IQSEC3: variants seen among roughly 807,000 people sequenced by gnomAD.
The protein encoded by IQSEC3 is IQ motif and SEC7 domain-containing protein 3.
IQSEC3 carries 50 observed loss-of-function variants against 105.4 expected under a neutral mutation model. That is an observed-to-expected ratio of 0.47 (90% CI 0.38 to 0.60). The LOEUF (loss-of-function observed/expected upper bound fraction) is 0.60. IQSEC3 is among the 20% of genes least tolerant of loss of function. IQSEC3 has a pLI of 0.00. For missense variants in IQSEC3, 1,415 were observed against 1,630.0 expected (o/e 0.87, Z 2.27); for synonymous variants, 708 against 746.0 (o/e 0.95, Z 0.83).
intron 2 of IQSEC3, among the ~76,000 whole-genome samples, chr12:122,568 A>G (rs1405119318): frequency 2.0e-5 from 3 of 152,232 alleles, no homozygotes; most frequent in Non-Finnish European, 4.4e-5. Flanking sequence ...GAGTAGGGAA[A>G]TGAAACACAG....
intron 5 of IQSEC3, among the ~76,000 whole-genome samples, chr12:146,094 G>C (rs1866255853): frequency 6.6e-6 from 1 of 152,218 alleles, no homozygotes; most frequent in Non-Finnish European, 1.5e-5. Context: ...GTTGGCCAGA[G>C]TATAACAGAT....
rs560623976 is a variant in IQSEC3 at position 126,011 on chromosome 12, C to T, written c.903+99C>T. The T allele has an allele frequency of 1.6e-3, 1,974 of 1,210,298 alleles. 1 individual carries two copies. The highest frequency in any genetic ancestry group is 2.0e-3 in the Non-Finnish European group (1,788 of 886,208). 75.0% of individuals were successfully genotyped at this position (1,210,298 alleles called of 1,614,324 possible). A position where few individuals can be genotyped will look rare whatever the true frequency, so the allele number is the denominator to read the frequency against. On this transcript the variant is annotated intron_variant, in intron 3 of 13. Coordinates refer to ENST00000538872, the MANE Select transcript of IQSEC3 (RefSeq NM_001170738.2). The stretch of plus-strand genomic sequence containing the variant: ...GGATATCCCCGCTGGGTCCCCTCCG[C>T]TACAGGCACACCTCTTTTGCCACAG...
chr12:160,660 C>T (rs944441925), intron 7 of IQSEC3, among the ~76,000 whole-genome samples: 2 of 152,072 alleles, frequency 1.3e-5, no homozygotes, highest in African/African-American at 4.8e-5. Context: ...AGCTTTCTAA[C>T]CCGTTTTCAA....
intron 3 of IQSEC3, among the ~76,000 whole-genome samples, chr12:131,920 G>A (rs1357389133): frequency 6.6e-6 from 1 of 152,206 alleles, no homozygotes; most frequent in African/African-American, 2.4e-5. Context: ...GTTGCTCCAT[G>A]CCAGTTAAGG....
Position 154,637 on chromosome 12 carries a change from C to T in IQSEC3, c.2154-2388C>T, listed in dbSNP as rs148856958. On this transcript the variant is annotated intron_variant, in intron 5 of 13. Transcript: ENST00000538872. ...CGCCCCTGGGCTGAGAGGGTGGCAT[C>T]TGGCCGCTCCATGCCGCCCCCACCA... Among the ~76,000 whole-genome samples, 1,202 of 152,278 alleles carry T rather than the reference C, an allele frequency of 7.9e-3. 11 individuals carry two copies. The highest frequency in any genetic ancestry group is 0.012 in the Non-Finnish European group (824 of 68,018).
intron 5 of IQSEC3, among the ~76,000 whole-genome samples, chr12:149,534 ATC>A (rs1320962735): frequency 6.6e-6 from 1 of 152,156 alleles, no homozygotes; most frequent in Non-Finnish European, 1.5e-5. Flanking sequence ...ATTCCTGGTC[ATC>A]TCTCACTCAC....
chr12:143,866 T>TGA (rs1555090135), intron 5 of IQSEC3: 2,016 of 153,134 alleles, frequency 0.013, 63 homozygotes, highest in African/African-American at 0.047. Flanking sequence ...TGTGTGTGTG[T>TGA]GAAGAGGCAT....
At chr12:94,473 G>A (rs1163421382) in intron 1 of IQSEC3, among the ~76,000 whole-genome samples, 4 of 152,238 alleles carry the variant, frequency 2.6e-5, no homozygotes, top group Non-Finnish European at 5.9e-5. Flanking sequence ...AAGACAAGAA[G>A]GGTTCTGGCC....
intron 1 of IQSEC3, among the ~76,000 whole-genome samples, chr12:83,074 C>T (rs1555071093): frequency 1.3e-5 from 2 of 152,168 alleles, no homozygotes. Context: ...CCAGGGTTCA[C>T]ACCGGTGCTG....
chr12:83,468 G>C (rs937775448), intron 1 of IQSEC3, among the ~76,000 whole-genome samples: 7 of 152,038 alleles, frequency 4.6e-5, no homozygotes, highest in African/African-American at 1.5e-4. Context: ...CCTCACTTAG[G>C]GGGTGGCATC....
chr12:170,442 G>T (rs1938922910), intron 12 of IQSEC3, among the ~76,000 whole-genome samples: 1 of 152,348 alleles, frequency 6.6e-6, no homozygotes, highest in East Asian at 1.9e-4. Flanking sequence ...CTCTCCTGCT[G>T]CAGGAAGCAG....
At chr12:106,792 G>A (rs1221024467) in intron 2 of IQSEC3, 2 of 152,104 alleles carry the variant, frequency 1.3e-5, no homozygotes, top group African/African-American at 4.8e-5. Context: ...TATTTCTTGT[G>A]CTTTGTTTTA....
intron 11 of IQSEC3, chr12:167,579 A>AAAG (rs1303130582): frequency 6.6e-6 from 1 of 150,630 alleles, no homozygotes; most frequent in East Asian, 1.9e-4. Flanking sequence ...AAGCCAGGAA[A>AAAG]AAAAAAAAAA....
At chr12:88,544 G>A (rs1229972660) in intron 1 of IQSEC3, among the ~76,000 whole-genome samples, 1 of 152,202 alleles carries the variant, frequency 6.6e-6, no homozygotes, top group East Asian at 1.9e-4. Flanking sequence ...AGAGCAGGGG[G>A]TCCCTGTGGA....
At chr12:69,512 T>C (rs1234128168) in intron 1 of IQSEC3, among the ~76,000 whole-genome samples, 1 of 152,234 alleles carries the variant, frequency 6.6e-6, no homozygotes, top group Non-Finnish European at 1.5e-5. Flanking sequence ...AGAGTGGAAG[T>C]TATTGGAATC....
At chr12:84,845 TCTGA>T (rs1214534491) in intron 1 of IQSEC3, among the ~76,000 whole-genome samples, 1 of 151,992 alleles carries the variant, frequency 6.6e-6, no homozygotes, top group Non-Finnish European at 1.5e-5. Context: ...ACTTCAAGAG[TCTGA>T]CTGTGCTATG....
At position 125,719 on chromosome 12, in the gene IQSEC3, A is replaced by G; in HGVS notation, c.710A>G (p.His237Arg). 5 of 1,533,742 alleles carry G rather than the reference A, an allele frequency of 3.3e-6. No homozygotes were observed. Among genetic ancestry groups the G allele is most frequent in the Non-Finnish European group, 4.3e-6 (5 of 1,150,380 alleles). Residue 237 changes from histidine (H) to arginine (R), a missense_variant, in exon 3 of 14, where the codon CAT becomes CGT. By Grantham distance (29) the His-to-Arg change is conservative (BLOSUM62 0). Around this residue, in one of 6 missense-constraint regions of IQSEC3, gnomAD observed 720 missense variants for 633.0 expected, o/e 1.14. Coordinates refer to ENST00000538872, the MANE Select transcript of IQSEC3 (RefSeq NM_001170738.2). ...AAVAAGRPSAHAPKAQAQELQ... is the reference protein window; with the variant it reads ...AAVAAGRPSARAPKAQAQELQ... ...GTGGCAGCCGGCAGACCCAGTGCCC[A>G]TGCCCCGAAGGCTCAAGCCCAGGAG...
At position 128,217 on chromosome 12, in the gene IQSEC3, C is replaced by T. The variant is rs923420225; in HGVS notation, c.903+2305C>T. 3.3e-5 allele frequency among the ~76,000 whole-genome samples: 5 copies of T among 152,168 alleles called. 1 individual carries two copies. Among genetic ancestry groups the T allele is most frequent in the Non-Finnish European group, 5.9e-5 (4 of 68,034 alleles). Reference sequence around the variant, plus strand: ...TCATCCCACAGGGCCCGGGTGTCCCCGTCACAGCCCTTCAGCCCTGTGTCA... The same window carrying T: ...TCATCCCACAGGGCCCGGGTGTCCCTGTCACAGCCCTTCAGCCCTGTGTCA... On this transcript the variant is annotated intron_variant, in intron 3 of 13. Transcript: ENST00000538872.
chr12:114,119 AGG>A, intron 2 of IQSEC3, among the ~76,000 whole-genome samples: 1 of 152,350 alleles, frequency 6.6e-6, no homozygotes, highest in Non-Finnish European at 1.5e-5. Context: ...ATGCCTGGAA[AGG>A]TGTCCAGCAT....
Sources: gnomAD v4.1 joint callset for allele counts (sites outside exome capture counted in the v4.1 genomes callset) on GRCh38, gnomAD v4.1.1 for gene constraint, gnomAD v4.1.1 regional missense constraint, MANE v1.5 for transcripts, NCBI Gene and HGNC (gene_info 2026-07-23, HGNC 2026-07-21) for gene names.